Variants in WDFY3 observed in about 807,000 individuals in gnomAD.
WDFY3 encodes the protein WD repeat and FYVE domain containing 3, also known as WD repeat and FYVE domain-containing protein 3.
In WDFY3, 66 loss-of-function variants were observed where a neutral mutation model predicts 409.6. That is an observed-to-expected ratio of 0.16 (90% CI 0.13 to 0.20). The LOEUF (loss-of-function observed/expected upper bound fraction) is 0.20, where lower values mean the gene tolerates loss of function less well. Among genes scored for constraint, WDFY3 ranks in the 10% least tolerant of loss-of-function variants. The pLI is 1.00. For synonymous variants in WDFY3, 1,521 were observed against 1,537.1 expected (o/e 0.99, Z 0.25); for missense variants, 3,031 against 4,298.1 (o/e 0.71, Z 8.24).
rs142326662 is a variant in WDFY3 at position 84,749,697 on chromosome 4, C to A, written c.5973+1786G>T. The stretch of plus-strand genomic sequence containing the variant: ...TGTACTGACAGAATACACCAAGGCA[C>A]TGTGCTAAAAGTTGTGAGAGATGAA... On this transcript the variant is annotated intron_variant, in intron 36 of 67. Coordinates refer to ENST00000295888, the MANE Select transcript of WDFY3 (RefSeq NM_014991.6). Among the ~76,000 whole-genome samples, 1,328 of 152,306 alleles carry A rather than the reference C, an allele frequency of 8.7e-3. 12 individuals are homozygous for A. Among genetic ancestry groups the A allele is most frequent in the Non-Finnish European group, 0.015 (1,028 of 68,024 alleles).
intron 27 of WDFY3, among the ~76,000 whole-genome samples, chr4:84,777,322 G>A (rs897085840): frequency 6.6e-6 from 1 of 151,606 alleles, no homozygotes; most frequent in African/African-American, 2.4e-5. Context: ...TTAAAGAAAG[G>A]AAAACAACAA....
At chr4:84,953,319 A>G (rs756477863) in intron 1 of WDFY3, among the ~76,000 whole-genome samples, 4 of 152,136 alleles carry the variant, frequency 2.6e-5, no homozygotes, top group Non-Finnish European at 5.9e-5. Flanking sequence ...AGGTGTCTCA[A>G]AAGATACAAA....
intron 12 of WDFY3, among the ~76,000 whole-genome samples, chr4:84,817,897 A>C (rs1753536189): frequency 1.3e-5 from 2 of 152,154 alleles, no homozygotes; most frequent in Non-Finnish European, 2.9e-5. Context: ...TCTCTATTGT[A>C]ATCAACTTAT....
At chr4:84,913,605 G>GA (rs886384234) in intron 2 of WDFY3, among the ~76,000 whole-genome samples, 20 of 151,198 alleles carry the variant, frequency 1.3e-4, no homozygotes, top group Non-Finnish European at 2.5e-4. Context: ...AGCAGTGCCA[G>GA]AAAAAAAATC....
chr4:84,819,404 T>C (rs1475887017), intron 12 of WDFY3, among the ~76,000 whole-genome samples: 1 of 152,080 alleles, frequency 6.6e-6, no homozygotes, highest in African/African-American at 2.4e-5. Flanking sequence ...CTCCTTACCA[T>C]GGCCTAAAAA....
intron 1 of WDFY3, among the ~76,000 whole-genome samples, chr4:84,947,159 A>G (rs770163086): frequency 6.6e-6 from 1 of 151,938 alleles, no homozygotes; most frequent in Non-Finnish European, 1.5e-5. Flanking sequence ...AGGCAGAGAG[A>G]GACTAAATCT....
chr4:84,807,800 C>G (rs1010604710), intron 15 of WDFY3, among the ~76,000 whole-genome samples: 6 of 151,972 alleles, frequency 3.9e-5, no homozygotes, highest in African/African-American at 1.2e-4. Flanking sequence ...TTTTTACTAA[C>G]TTTTTCAAAG....
At chr4:84,845,102 A>C (rs1204160726) in intron 5 of WDFY3, among the ~76,000 whole-genome samples, 2 of 152,154 alleles carry the variant, frequency 1.3e-5, no homozygotes, top group Admixed American at 6.5e-5. Flanking sequence ...CCCATATCTC[A>C]AGTAATCTGA....
rs1725264056 is a variant in WDFY3 at position 84,670,257 on chromosome 4, G to A, written c.*2611C>T. ...AACAAACTACAAAGATCAGGCAGGA[G>A]CCCTATGAGGTACTCTCAGAAAAAG... is the stretch of plus-strand genomic sequence containing the variant. On this transcript the variant is annotated 3_prime_UTR_variant, in exon 68 of 68. Coordinates refer to ENST00000295888, the MANE Select transcript of WDFY3 (RefSeq NM_014991.6). 6.6e-6 allele frequency: 1 copy of A among 152,622 alleles called. No individual in the cohort carries two copies. The highest frequency in any genetic ancestry group is 2.4e-5 in the African/African-American group (1 of 41,438). 9.5% of individuals were successfully genotyped at this position (152,622 alleles called of 1,614,324 possible).
At chr4:84,712,621 TGA>T (rs1312068281) in intron 51 of WDFY3, among the ~76,000 whole-genome samples, 1 of 151,536 alleles carries the variant, frequency 6.6e-6, no homozygotes, top group Non-Finnish European at 1.5e-5. Context: ...CTCGGGAGGC[TGA>T]GGCAGGAGAA....
chr4:84,820,284 A>C, intron 11 of WDFY3, 98 bp from the exon 12 acceptor site: 2 of 982,572 alleles, frequency 2.0e-6, no homozygotes, highest in South Asian at 3.6e-5. Context: ...TTCAGTATTC[A>C]GTTTTACCCC....
chr4:84,928,208 T>C (rs545747397), intron 2 of WDFY3, among the ~76,000 whole-genome samples: 1 of 152,310 alleles, frequency 6.6e-6, no homozygotes, highest in African/African-American at 2.4e-5. Context: ...GAGCTCTTTG[T>C]TCTCTAGCCT....
At chr4:84,865,687 G>A (rs768138038) in intron 3 of WDFY3, among the ~76,000 whole-genome samples, 2 of 152,126 alleles carry the variant, frequency 1.3e-5, no homozygotes, top group East Asian at 1.9e-4. Flanking sequence ...AAGTTGAGCC[G>A]AGTCTCTCCC....
chr4:84,705,623 G>C, intron 53 of WDFY3, 112 bp from the exon 54 acceptor site: 2 of 854,004 alleles, frequency 2.3e-6, no homozygotes, highest in East Asian at 4.9e-5. Flanking sequence ...ACTAGTATCT[G>C]TGGGGTCAAA....
intron 48 of WDFY3, among the ~76,000 whole-genome samples, chr4:84,717,314 A>C (rs1403871244): frequency 6.6e-6 from 1 of 152,154 alleles, no homozygotes; most frequent in Admixed American, 6.5e-5. Context: ...AAAATGTCTT[A>C]ATTTCTTTTA....
At position 84,702,375 on chromosome 4, in the gene WDFY3, G is replaced by C. The variant is rs1166744457; in HGVS notation, c.8574C>G (p.Phe2858Leu). 1 of 1,611,186 alleles carries C rather than the reference G, an allele frequency of 6.2e-7. No individual in the cohort carries two copies. Among genetic ancestry groups the C allele is most frequent in the Non-Finnish European group, 8.5e-7 (1 of 1,178,938 alleles). Residue 2858 changes from phenylalanine to leucine, a missense_variant, in exon 56 of 68, where the codon TTC becomes TTG. This residue lies in a region of WDFY3 where 129 missense variants were observed against 305.3 expected (regional missense o/e 0.42). Transcript: ENST00000295888. ...PEFFYLPEFL[F>L]NSNNFDLGCK... ...TACCTAGATCAAAGTTGTTGGAATT[G>C]AACAGGAATTCTGGTAAATAAAAGA...
intron 3 of WDFY3, among the ~76,000 whole-genome samples, chr4:84,888,147 C>G (rs535744138): frequency 6.6e-6 from 1 of 152,152 alleles, no homozygotes; most frequent in East Asian, 1.9e-4. Context: ...AAATCTGCCA[C>G]AATCCTAACA....
intron 3 of WDFY3, among the ~76,000 whole-genome samples, chr4:84,875,271 C>T (rs949286436): frequency 1.9e-4 from 28 of 149,430 alleles, no homozygotes; most frequent in African/African-American, 6.9e-4. Context: ...CAAACACACA[C>T]ACACACACAC....
intron 13 of WDFY3, among the ~76,000 whole-genome samples, chr4:84,813,103 T>C (rs1009470783): frequency 6.6e-6 from 1 of 152,164 alleles, no homozygotes; most frequent in African/African-American, 2.4e-5. Flanking sequence ...CTGTGGTATA[T>C]GTCAGTTGAA....
Sources: gnomAD v4.1 joint callset for allele counts (sites outside exome capture counted in the v4.1 genomes callset) on GRCh38, gnomAD v4.1.1 for gene constraint, gnomAD v4.1.1 regional missense constraint, MANE v1.5 for transcripts, NCBI Gene and HGNC (gene_info 2026-07-23, HGNC 2026-07-21) for gene names.